Variants in EPHB2 observed in about 807,000 individuals in gnomAD.
EPHB2 encodes the protein ephrin type-B receptor 2.
Under a neutral mutation model 96.4 loss-of-function variants are expected in EPHB2, and 18 were observed. The observed-to-expected ratio is 0.19, with a 90% CI of 0.13 to 0.28. The LOEUF is 0.28. EPHB2 is among the 10% of genes least tolerant of loss of function. EPHB2 has a pLI of 1.00. For synonymous variants in EPHB2, 506 were observed against 534.1 expected (o/e 0.95, Z 0.72); for missense variants, 989 against 1,355.4 (o/e 0.73, Z 4.25).
At chr1:22,895,757 A>G (rs1186841543) in intron 8 of EPHB2, among the ~76,000 whole-genome samples, 177 bp downstream of exon 8, 3 of 152,264 alleles carry the variant, frequency 2.0e-5, no homozygotes, top group African/African-American at 4.8e-5. Context: ...AGCGGCCACC[A>G]TGTGCAATCC....
intron 6 of EPHB2, among the ~76,000 whole-genome samples, chr1:22,888,130 C>G (rs976788109): frequency 6.6e-6 from 1 of 152,168 alleles, no homozygotes; most frequent in African/African-American, 2.4e-5. Context: ...CAACCTCCGT[C>G]TCCCGGGTTC....
Position 22,916,553 on chromosome 1 carries a change from CT to C in EPHB2, c.*2985del, listed in dbSNP as rs1640275646. 6.7e-6 allele frequency: 1 copy of C among 149,680 alleles called. No individual in the cohort carries two copies. Among genetic ancestry groups the C allele is most frequent in the Non-Finnish European group, 1.5e-5 (1 of 67,938 alleles). The allele number at this position is 149,680 out of a possible 1,614,324, so 9.3% of individuals were successfully genotyped here. A position where few individuals can be genotyped will look rare whatever the true frequency, so the allele number is the denominator to read the frequency against. On this transcript the variant is annotated 3_prime_UTR_variant, in exon 16 of 16. Transcript: ENST00000374630. This position sits in a 1 kb window ranked among gnomAD's most constrained non-coding sequence, Gnocchi z 4.2. ...GCAGTCGCCCCGCCCCAACCTCTTG[CT>C]TGCTGCTCAGCGGGGAGTGGCAGGC...
chr1:22,899,193 CAA>C (rs34967134), intron 9 of EPHB2, among the ~76,000 whole-genome samples: 3,296 of 115,084 alleles, frequency 0.029, 102 homozygotes, highest in African/African-American at 0.085. Context: ...AACGCCATCT[CAA>C]AAAAAAAAAA....
chr1:22,913,307 CCT>C lies in EPHB2; in HGVS notation c.2853-153_2853-152del. On this transcript the variant is annotated intron_variant, in intron 15 of 15. Transcript: ENST00000374630. The surrounding 1 kb of genome is among the most constrained non-coding windows in gnomAD (Gnocchi z 4.1). Reference sequence around the variant, plus strand: ...CTTCCACCTCACACCATAGTCGCTCCCTCCAGCTGTGGCTGCCTGCCCACTCC... The same window carrying C: ...CTTCCACCTCACACCATAGTCGCTCCCCAGCTGTGGCTGCCTGCCCACTCC... 2.1e-6 allele frequency: 2 copies of C among 934,404 alleles called. No individual in the cohort carries two copies. The highest frequency in any genetic ancestry group is 3.3e-6 in the Non-Finnish European group (2 of 600,116). The allele number at this position is 934,404 out of a possible 1,614,324, so 57.9% of individuals were successfully genotyped here. A position where few individuals can be genotyped will look rare whatever the true frequency, so the allele number is the denominator to read the frequency against.
At chr1:22,892,833 G>T in intron 6 of EPHB2, 51 bp from the exon 7 acceptor site, 2 of 1,611,480 alleles carry the variant, frequency 1.2e-6, no homozygotes, top group South Asian at 1.1e-5. Flanking sequence ...GTGGGCTCTG[G>T]ACCCACTATG....
chr1:22,768,247 C>T (rs776387469), intron 1 of EPHB2, among the ~76,000 whole-genome samples: 3 of 152,194 alleles, frequency 2.0e-5, no homozygotes, highest in Non-Finnish European at 2.9e-5. Flanking sequence ...TGGAGAAGCC[C>T]TCCATACCTT....
At chr1:22,896,645 C>T (rs114654178) in intron 9 of EPHB2, among the ~76,000 whole-genome samples, 167 bp downstream of exon 9, 57 of 152,302 alleles carry the variant, frequency 3.7e-4, no homozygotes, top group Non-Finnish European at 6.6e-4. Context: ...TTTGCAAGTG[C>T]GGTTCCCTCT....
intron 6 of EPHB2, among the ~76,000 whole-genome samples, chr1:22,885,329 C>T (rs185048092): frequency 6.6e-6 from 1 of 152,260 alleles, no homozygotes; most frequent in Non-Finnish European, 1.5e-5. Flanking sequence ...GTCCTGCCTG[C>T]GACCCATTTC....
intron 6 of EPHB2, 116 bp downstream of exon 6, chr1:22,882,599 G>A: frequency 6.5e-7 from 1 of 1,531,528 alleles, no homozygotes; most frequent in Non-Finnish European, 8.9e-7. Flanking sequence ...GCAGCAGAAA[G>A]AGCACTGGCC....
intron 3 of EPHB2, among the ~76,000 whole-genome samples, chr1:22,809,489 A>T (rs774932229): frequency 6.6e-6 from 1 of 152,220 alleles, no homozygotes; most frequent in Non-Finnish European, 1.5e-5. Context: ...TACATAACGT[A>T]TATGTTATAT....
chr1:22,720,671 C>CCCA (rs1553158008), intron 1 of EPHB2, among the ~76,000 whole-genome samples: 1 of 119,118 alleles, frequency 8.4e-6, no homozygotes, highest in Non-Finnish European at 1.9e-5. Flanking sequence ...CCCCCCCCCC[C>CCCA]CCGCCCCAGC....
intron 1 of EPHB2, among the ~76,000 whole-genome samples, chr1:22,717,318 A>C (rs917314461): frequency 6.6e-6 from 1 of 152,114 alleles, no homozygotes; most frequent in Non-Finnish European, 1.5e-5. Context: ...CCTTCTGATA[A>C]GGCTGCCTTG....
intron 3 of EPHB2, among the ~76,000 whole-genome samples, chr1:22,801,501 C>G (rs1356905618): frequency 6.6e-6 from 1 of 151,956 alleles, no homozygotes; most frequent in African/African-American, 2.4e-5. Context: ...AGGTGGCAAG[C>G]CAGGATTGGG....
At chr1:22,904,600 A>G (rs1639850380) in intron 9 of EPHB2, among the ~76,000 whole-genome samples, 1 of 152,222 alleles carries the variant, frequency 6.6e-6, no homozygotes, top group East Asian at 1.9e-4. Flanking sequence ...GTGTTAGAGC[A>G]GCGGTTGACA....
At chr1:22,812,013 T>C (rs1645010121) in intron 3 of EPHB2, among the ~76,000 whole-genome samples, 1 of 152,204 alleles carries the variant, frequency 6.6e-6, no homozygotes, top group Admixed American at 6.5e-5. Flanking sequence ...AACTCTACCC[T>C]AGGCAACAGA....
At position 22,733,917 on chromosome 1, in the gene EPHB2, T is replaced by C. The variant is rs575678838; in HGVS notation, c.61+22874T>C. Among the ~76,000 whole-genome samples, 51 of 151,218 alleles carry C rather than the reference T, an allele frequency of 3.4e-4. No homozygotes were observed. The highest frequency in any genetic ancestry group is 6.8e-3 in the Middle Eastern group (2 of 292). On this transcript the variant is annotated intron_variant, in intron 1 of 15. Coordinates refer to ENST00000374630, the MANE Select transcript of EPHB2 (RefSeq NM_017449.5). This position sits in a 1 kb window ranked among gnomAD's most constrained non-coding sequence, Gnocchi z 4.6. ...TGGGGACGGAGCTAGAAGTTGAACC[T>C]GGGACTGGATTCTTGGCCTGGTGTG...
chr1:22,758,188 G>A (rs372117830), intron 1 of EPHB2, among the ~76,000 whole-genome samples: 6 of 149,764 alleles, frequency 4.0e-5, no homozygotes, highest in African/African-American at 1.5e-4. Flanking sequence ...AAAGTGCTGG[G>A]ATTACAGGCG....
At chr1:22,908,899 T>C in intron 12 of EPHB2, 123 bp from the exon 13 acceptor site, 1 of 1,470,820 alleles carries the variant, frequency 6.8e-7, no homozygotes, top group South Asian at 1.2e-5. Flanking sequence ...GCATGGTAAG[T>C]TTGGGGCACA....
In EPHB2 at chr1:22,756,185, C is replaced by T. The variant is rs578197638; in HGVS notation, c.62-25236C>T. Among the ~76,000 whole-genome samples the T allele has an allele frequency of 4.6e-5, 7 of 152,226 alleles. No individual in the cohort carries two copies. In the East Asian group the frequency reaches 9.7e-4, roughly 21 times the overall value. On this transcript the variant is annotated intron_variant, in intron 1 of 15. Transcript: ENST00000374630. ...AGCTCAGGAATTCCGTGGGAAGAAG[C>T]TTGCACTTTCTCCCACAGGCCCTGG...
Sources: allele counts gnomAD v4.1 joint callset (sites outside exome capture counted in the v4.1 genomes callset), GRCh38; gene constraint gnomAD v4.1.1; non-coding constraint Gnocchi (gnomAD v3.1); transcripts MANE v1.5; gene names NCBI Gene and HGNC (gene_info 2026-07-23, HGNC 2026-07-21).